The following MGAM variants were observed in gnomAD, a reference collection of about 807,000 sequenced individuals.
MGAM encodes alpha-1,4-glucosidase.
A neutral mutation model predicts 358.8 loss-of-function variants in MGAM; 253 were observed. That is an observed-to-expected ratio of 0.71 (90% confidence interval 0.64 to 0.78). The LOEUF (loss-of-function observed/expected upper bound fraction) is 0.78, where lower values mean the gene tolerates loss of function less well. Ranked by LOEUF, MGAM falls within the 30% of genes least tolerant of loss-of-function variation. The pLI is 0.00. For synonymous variants in MGAM, 1,105 were observed against 1,227.1 expected (o/e 0.90, Z 2.08); for missense variants, 3,080 against 3,432.6 (o/e 0.90, Z 2.57).
At position 142,078,151 on chromosome 7, in the gene MGAM, C is replaced by A. The variant is rs1813901179; in HGVS notation, c.5494-167C>A. Reference sequence around the variant, plus strand: ...TGTTACTGCTAAATAGATTCCCCCACTGTACAGTTCTCTTCTTATAAGCTA... The same window carrying A: ...TGTTACTGCTAAATAGATTCCCCCAATGTACAGTTCTCTTCTTATAAGCTA... On this transcript the variant is annotated intron_variant, in intron 47 of 70. Transcript: ENST00000475668. Among the ~76,000 whole-genome samples the A allele has an allele frequency of 2.1e-5, 3 of 146,264 alleles. 1 individual carries two copies. The South Asian group carries it at 6.6e-4, about 32-fold the overall frequency.
At position 142,071,268 on chromosome 7, in the gene MGAM, CT is replaced by C; in HGVS notation, c.5186+155del. On this transcript the variant is annotated intron_variant, in intron 44 of 70. Coordinates refer to ENST00000475668, the MANE Select transcript of MGAM (RefSeq NM_001365693.1). ...TTTGTTTTGTTGTTTGTGTGTTAATCTTTTTCAGACTCTATACTTTTTGTCT... is the reference window on the plus strand; with the variant it reads ...TTTGTTTTGTTGTTTGTGTGTTAATCTTTTCAGACTCTATACTTTTTGTCT... 2 of 1,043,398 alleles carry C rather than the reference CT, an allele frequency of 1.9e-6. 1 individual carries two copies. Among genetic ancestry groups the C allele is most frequent in the Non-Finnish European group, 2.7e-6 (2 of 743,246 alleles). The allele number at this position is 1,043,398 out of a possible 1,614,324, so 64.6% of individuals were successfully genotyped here. A position where few individuals can be genotyped will look rare whatever the true frequency, so the allele number is the denominator to read the frequency against.
intron 3 of MGAM, among the ~76,000 whole-genome samples, chr7:142,017,882 G>A (rs1303605509): frequency 2.6e-5 from 4 of 152,068 alleles, no homozygotes; most frequent in African/African-American, 9.7e-5. Flanking sequence ...TCAACCCAGA[G>A]TATAGAAAAA....
Position 142,019,294 on chromosome 7 carries a change from G to A in MGAM, c.423G>A (p.Glu141=), listed in dbSNP as rs782003414. Residue 141 remains glutamate (E), a synonymous_variant, in exon 4 of 71, where the codon GAG becomes GAA. Coordinates refer to ENST00000475668, the MANE Select transcript of MGAM (RefSeq NM_001365693.1). ...CCAAGAATCATAGCTACCATGTAGAGGGCAACCTTGTCAACACAAATGCAG... is the reference window on the plus strand; with the variant it reads ...CCAAGAATCATAGCTACCATGTAGAAGGCAACCTTGTCAACACAAATGCAG... The part of the protein sequence containing the change: ...YYSKNHSYHV[E]GNLVNTNAGF... 1 of 1,613,332 alleles carries A rather than the reference G, an allele frequency of 6.2e-7. No individual in the cohort carries two copies. The highest frequency in any genetic ancestry group is 8.5e-7 in the Non-Finnish European group (1 of 1,179,650).
chr7:142,002,530 T>TAA (rs1222950870), intron 1 of MGAM, among the ~76,000 whole-genome samples: 24 of 150,562 alleles, frequency 1.6e-4, no homozygotes, highest in Non-Finnish European at 3.4e-4. Flanking sequence ...CATTCCTTCA[T>TAA]AAAAAAAAAC....
intron 20 of MGAM, 136 bp from the exon 21 acceptor site, chr7:142,040,586 T>G: frequency 8.6e-7 from 1 of 1,167,312 alleles, no homozygotes; most frequent in Non-Finnish European, 1.2e-6. Context: ...TTTCCTTCTG[T>G]TGTTTGATTG....
At chr7:142,103,154 A>G in intron 69 of MGAM, 115 bp from the exon 70 acceptor site, 1 of 858,826 alleles carries the variant, frequency 1.2e-6, no homozygotes. Context: ...CAAAGTTACA[A>G]GATGGTGACT....
Position 142,022,254 on chromosome 7 carries a change from C to A in MGAM, c.711-14C>A, listed in dbSNP as rs1554459160. On this transcript the variant is annotated splice_polypyrimidine_tract_variant and intron_variant, in intron 6 of 70. Transcript: ENST00000475668. ...GCTTGCTCACCCATCCTTGTGTTCT[C>A]CACCTGTGTCTAGGTTTGACTCGAG... 17 of 1,594,144 alleles carry A rather than the reference C, an allele frequency of 1.1e-5. No homozygotes were observed. Among genetic ancestry groups the A allele is most frequent in the Non-Finnish European group, 1.4e-5 (16 of 1,168,618 alleles).
chr7:142,026,965 C>G, intron 8 of MGAM, 150 bp from the exon 9 acceptor site: 2 of 588,640 alleles, frequency 3.4e-6, no homozygotes, highest in Non-Finnish European at 6.0e-6. Context: ...CTTGGATGGT[C>G]AGGGTTTTCA....
intron 7 of MGAM, 90 bp downstream of exon 7, chr7:142,022,529 T>TA: frequency 7.4e-7 from 1 of 1,343,298 alleles, no homozygotes. Flanking sequence ...GTTTAAGAGT[T>TA]AGAGTCTAGA....
chr7:142,008,602 C>T lies in MGAM; in HGVS notation c.224C>T (p.Pro75Leu), dbSNP rs1554453301. 5 of 1,613,452 alleles carry T rather than the reference C, an allele frequency of 3.1e-6. No individual in the cohort carries two copies. The highest frequency in any genetic ancestry group is 3.3e-5 in the Admixed American group (2 of 59,886). Residue 75 changes from proline (P) to leucine (L), a missense_variant, in exon 3 of 71, where the codon CCC becomes CTC. By Grantham distance (98) the Pro-to-Leu change is moderately conservative (BLOSUM62 -3). Around this residue, in one of 5 missense-constraint regions of MGAM, gnomAD observed 1,816 missense variants for 1,840.5 expected, o/e 0.99. Transcript: ENST00000475668. ...TGTTHARTTG[P>L]PDPGTTGTTP... Reference sequence around the variant, plus strand: ...ACCACACATGCTAGGACAACGGGTCCCCCAGATCCTGGAACAACTGGTACC... The same window carrying T: ...ACCACACATGCTAGGACAACGGGTCTCCCAGATCCTGGAACAACTGGTACC...
At chr7:142,055,063 T>A (rs1407320144) in intron 27 of MGAM, among the ~76,000 whole-genome samples, 155 bp downstream of exon 27, 1 of 152,184 alleles carries the variant, frequency 6.6e-6, no homozygotes, top group East Asian at 1.9e-4. Context: ...TTACAGGAAA[T>A]CTTTAGCATT....
At chr7:142,068,207 C>T (rs1323606582) in intron 42 of MGAM, among the ~76,000 whole-genome samples, 1 of 136,398 alleles carries the variant, frequency 7.3e-6, no homozygotes, top group Non-Finnish European at 1.7e-5. Context: ...CTGTATTAGC[C>T]AGGATGGTCT....
chr7:142,034,172 C>A, intron 14 of MGAM, 90 bp from the exon 15 acceptor site: 1 of 890,436 alleles, frequency 1.1e-6, no homozygotes, highest in Non-Finnish European at 1.7e-6. Flanking sequence ...AAAGTGCCTG[C>A]CCAGGGGGCT....
rs1284472099 is a variant in MGAM, at chr7:142,079,941, G to T, written c.5848-850G>T. On this transcript the variant is annotated intron_variant, in intron 49 of 70. Transcript: ENST00000475668. ...TTTGAAGTGAATGAACTTCCTTGGA[G>T]TTCTAGCCTTAACCATTGACTACTC... Among the ~76,000 whole-genome samples, 15 of 146,436 alleles carry T rather than the reference G, an allele frequency of 1.0e-4. 1 individual carries two copies. Among genetic ancestry groups the T allele is most frequent in the African/African-American group, 3.6e-4 (15 of 41,110 alleles).
In MGAM at chr7:142,082,356, G is replaced by C. The variant is rs1563206064; in HGVS notation, c.6172-119G>C. On this transcript the variant is annotated intron_variant, in intron 51 of 70. Transcript: ENST00000475668. The stretch of plus-strand genomic sequence containing the variant: ...CAATTCTCAGGCTCCTTTGTTTCAT[G>C]TGTTTAATTGATTTCATGGAGAAAA... 2.4e-6 allele frequency: 3 copies of C among 1,274,178 alleles called. 1 individual carries two copies. The East Asian group carries it at 7.6e-5, about 32-fold the overall frequency. The allele number at this position is 1,274,178 out of a possible 1,614,324, so 78.9% of individuals were successfully genotyped here.
intron 57 of MGAM, among the ~76,000 whole-genome samples, chr7:142,088,996 G>GTATCTATCTATCTATCTATC (rs71166560): frequency 3.4e-5 from 4 of 117,970 alleles, no homozygotes; most frequent in Non-Finnish European, 7.5e-5. Flanking sequence ...ATGTATGTAT[G>GTATCTATCTATCTATCTATC]TATCTATCTA....
At chr7:142,083,568 C>G (rs116828620) in intron 53 of MGAM, among the ~76,000 whole-genome samples, 155 bp downstream of exon 53, 1 of 146,564 alleles carries the variant, frequency 6.8e-6, no homozygotes, top group African/African-American at 2.4e-5. Flanking sequence ...ACATTCTAAT[C>G]ACCATTAAAT....
chr7:142,071,863 G>A (rs776734229), intron 44 of MGAM, among the ~76,000 whole-genome samples: 1 of 146,278 alleles, frequency 6.8e-6, no homozygotes, highest in Non-Finnish European at 1.5e-5. Context: ...GATTCCATCT[G>A]TACTAAAGAG....
chr7:142,066,472 A>G, intron 40 of MGAM, 101 bp from the exon 41 acceptor site: 1 of 1,324,840 alleles, frequency 7.5e-7, no homozygotes, highest in Non-Finnish European at 1.1e-6. Flanking sequence ...TCTTTTGTTT[A>G]GCTGTGAGTG....
Sources: gnomAD v4.1 joint callset for allele counts (sites outside exome capture counted in the v4.1 genomes callset) on GRCh38, gnomAD v4.1.1 for gene constraint, gnomAD v4.1.1 regional missense constraint, MANE v1.5 for transcripts, NCBI Gene and HGNC (gene_info 2026-07-23, HGNC 2026-07-21) for gene names.